The following LIN52 variants were observed in gnomAD, a reference collection of about 807,000 sequenced individuals.
The protein encoded by LIN52 is protein lin-52 homolog.
Under a neutral mutation model 18.5 loss-of-function variants are expected in LIN52, and 4 were observed. The observed-to-expected ratio is 0.22, with a 90% confidence interval of 0.11 to 0.49. The LOEUF (loss-of-function observed/expected upper bound fraction) is 0.49. LIN52 is among the 20% of genes least tolerant of loss of function. The pLI is 0.97. For missense variants in LIN52, 102 were observed against 139.5 expected (o/e 0.73, Z 1.35); for synonymous variants, 34 against 45.5 (o/e 0.75, Z 1.02).
chr14:74,157,764 A>G (rs1209359928), intron 5 of LIN52, among the ~76,000 whole-genome samples: 5 of 152,156 alleles, frequency 3.3e-5, no homozygotes, highest in South Asian at 4.1e-4. Context: ...ACAAGATAAC[A>G]TTCAAATTCT....
At chr14:74,134,655 G>T (rs1050805446) in intron 5 of LIN52, among the ~76,000 whole-genome samples, 4 of 151,810 alleles carry the variant, frequency 2.6e-5, no homozygotes, top group African/African-American at 9.7e-5. Context: ...CCTTTTCTTA[G>T]AATTAAAACA....
chr14:74,171,705 TTATGTC>T (rs765265957), intron 5 of LIN52, among the ~76,000 whole-genome samples: 4 of 149,508 alleles, frequency 2.7e-5, no homozygotes, highest in Non-Finnish European at 5.9e-5. Flanking sequence ...AAATATTATT[TTATGTC>T]TGTCTTCATT....
intron 5 of LIN52, among the ~76,000 whole-genome samples, chr14:74,114,994 CCT>C (rs1190550637): frequency 1.3e-5 from 2 of 152,146 alleles, no homozygotes; most frequent in African/African-American, 2.4e-5. Context: ...GTTGTTATGG[CCT>C]CTCTATACAG....
intron 5 of LIN52, among the ~76,000 whole-genome samples, chr14:74,155,886 G>T (rs1396180642): frequency 6.6e-6 from 1 of 152,078 alleles, no homozygotes; most frequent in Non-Finnish European, 1.5e-5. Flanking sequence ...TAAAGCTTCT[G>T]TTGAGGCCTT....
intron 1 of LIN52, among the ~76,000 whole-genome samples, chr14:74,088,213 C>T (rs1435618557): frequency 2.0e-5 from 3 of 152,156 alleles, no homozygotes; most frequent in African/African-American, 4.8e-5. Flanking sequence ...GCATCAGCCT[C>T]TCCAGTAGCT....
At chr14:74,195,082 G>T (rs2139598469) in intron 5 of LIN52, among the ~76,000 whole-genome samples, 1 of 152,214 alleles carries the variant, frequency 6.6e-6, no homozygotes, top group East Asian at 1.9e-4. Flanking sequence ...GGAGGCAGAG[G>T]TTGCAGTGAG....
At chr14:74,097,374 G>A (rs921574218) in intron 3 of LIN52, among the ~76,000 whole-genome samples, 5 of 150,612 alleles carry the variant, frequency 3.3e-5, no homozygotes, top group Non-Finnish European at 5.9e-5. Flanking sequence ...TAATCTGCCA[G>A]TATTTCCAAA....
At chr14:74,149,559 T>C (rs573412062) in intron 5 of LIN52, among the ~76,000 whole-genome samples, 2 of 152,212 alleles carry the variant, frequency 1.3e-5, no homozygotes, top group African/African-American at 4.8e-5. Flanking sequence ...TGGGGAGGGG[T>C]TGCCATTATA....
chr14:74,130,786 T>C (rs1250472411), intron 5 of LIN52, among the ~76,000 whole-genome samples: 1 of 145,644 alleles, frequency 6.9e-6, no homozygotes, highest in Non-Finnish European at 1.5e-5. Flanking sequence ...GGGTTTTGCC[T>C]TGTTGGTCAG....
intron 5 of LIN52, among the ~76,000 whole-genome samples, chr14:74,185,552 A>T (rs2061337624): frequency 6.6e-6 from 1 of 151,936 alleles, no homozygotes; most frequent in Non-Finnish European, 1.5e-5. Context: ...TGACCTCGTG[A>T]TCTGCCTGCC....
intron 5 of LIN52, among the ~76,000 whole-genome samples, chr14:74,102,896 G>C (rs2060868101): frequency 6.6e-6 from 1 of 152,142 alleles, no homozygotes. Context: ...TTATACCAAA[G>C]TAGAGTGAAC....
At chr14:74,190,428 G>A (rs548632131) in intron 5 of LIN52, among the ~76,000 whole-genome samples, 1 of 108,150 alleles carries the variant, frequency 9.2e-6, no homozygotes, top group Non-Finnish European at 1.7e-5. Flanking sequence ...GTCTTACCCT[G>A]TCACCCAGGC....
At chr14:74,160,321 T>G (rs1412531992) in intron 5 of LIN52, among the ~76,000 whole-genome samples, 1 of 152,172 alleles carries the variant, frequency 6.6e-6, no homozygotes. Context: ...TAGCATTAGC[T>G]CAAGCTGCTG....
intron 5 of LIN52, 39 bp from the exon 6 acceptor site, chr14:74,198,883 T>C: frequency 1.4e-6 from 2 of 1,468,862 alleles, no homozygotes; most frequent in Non-Finnish European, 1.9e-6. Flanking sequence ...TTTCCGATTT[T>C]AGGTTTTCAT....
At chr14:74,180,440 T>G (rs1388650804) in intron 5 of LIN52, among the ~76,000 whole-genome samples, 1 of 151,782 alleles carries the variant, frequency 6.6e-6, no homozygotes, top group African/African-American at 2.4e-5. Context: ...TAATTTTTTT[T>G]TTTGTATTTT....
chr14:74,177,267 G>A (rs928546931), intron 5 of LIN52, among the ~76,000 whole-genome samples: 6 of 152,092 alleles, frequency 3.9e-5, no homozygotes, highest in Non-Finnish European at 7.4e-5. Context: ...CAAGGTGCTG[G>A]GATTACAGGT....
intron 5 of LIN52, among the ~76,000 whole-genome samples, chr14:74,131,619 G>C (rs2061068555): frequency 1.3e-5 from 2 of 152,102 alleles, no homozygotes; most frequent in South Asian, 4.1e-4. Context: ...CTGGCCGTAG[G>C]CTTAAACTTT....
At chr14:74,089,523 A>G (rs1317702470) in intron 1 of LIN52, among the ~76,000 whole-genome samples, 3 of 151,792 alleles carry the variant, frequency 2.0e-5, no homozygotes, top group African/African-American at 7.3e-5. Flanking sequence ...TGACACCACC[A>G]CACCTGGCTA....
intron 5 of LIN52, among the ~76,000 whole-genome samples, chr14:74,153,095 C>T (rs936942977): frequency 1.3e-5 from 2 of 151,730 alleles, no homozygotes; most frequent in African/African-American, 2.4e-5. Flanking sequence ...AATCCTAGTG[C>T]GTGCAATTAC....
Sources: allele counts gnomAD v4.1 joint callset (sites outside exome capture counted in the v4.1 genomes callset), GRCh38; gene constraint gnomAD v4.1.1; transcripts MANE v1.5; gene names NCBI Gene and HGNC (gene_info 2026-07-23, HGNC 2026-07-21).